CEP192: variants seen among roughly 807,000 people sequenced by gnomAD.
CEP192 encodes centrosomal protein 192.
Under a neutral mutation model 271.8 loss-of-function variants are expected in CEP192, and 151 were observed. That is an observed-to-expected ratio of 0.56 (90% CI 0.49 to 0.64). The LOEUF (loss-of-function observed/expected upper bound fraction) is 0.64, where lower values mean the gene tolerates loss of function less well. Ranked by LOEUF, CEP192 falls within the 30% of genes least tolerant of loss-of-function variation. CEP192 has a pLI of 0.00. For synonymous variants in CEP192, 995 were observed against 1,076.5 expected, an observed-to-expected ratio of 0.92 and a Z score of 1.48; for missense variants, 2,910 against 3,020.5, an observed-to-expected ratio of 0.96 and a Z score of 0.86.
chr18:13,123,285 T>TA (rs1470052607), intron 44 of CEP192, among the ~76,000 whole-genome samples: 2 of 152,118 alleles, frequency 1.3e-5, no homozygotes, highest in Non-Finnish European at 2.9e-5. Flanking sequence ...TTTGACATGG[T>TA]AAAACAAATG....
chr18:13,083,295 A>G (rs1253531612), intron 30 of CEP192, among the ~76,000 whole-genome samples: 1 of 152,080 alleles, frequency 6.6e-6, no homozygotes, highest in Non-Finnish European at 1.5e-5. Flanking sequence ...ATAGTCCCAT[A>G]TTTCTTGGAG....
intron 30 of CEP192, among the ~76,000 whole-genome samples, chr18:13,085,191 C>T (rs537769289): frequency 6.6e-6 from 1 of 152,106 alleles, no homozygotes; most frequent in African/African-American, 2.4e-5. Flanking sequence ...GCATAAATGT[C>T]TTCTTTTGAG....
At chr18:13,109,664 G>A (rs1398327466) in intron 40 of CEP192, among the ~76,000 whole-genome samples, 1 of 151,948 alleles carries the variant, frequency 6.6e-6, no homozygotes, top group East Asian at 1.9e-4. Context: ...TTGAAGAATG[G>A]TGAAAATAAT....
chr18:13,022,543 G>A (rs1029149481), intron 9 of CEP192, among the ~76,000 whole-genome samples: 1 of 152,054 alleles, frequency 6.6e-6, no homozygotes, highest in African/African-American at 2.4e-5. Flanking sequence ...ACCATGCCCA[G>A]CTAATTTTTG....
At position 13,038,328 on chromosome 18, in the gene CEP192, A is replaced by T. The variant is rs1469858814; in HGVS notation, c.1600-42A>T. 2.1e-6 allele frequency: 3 copies of T among 1,459,974 alleles called. No individual in the cohort carries two copies. The African/African-American group carries it at 4.2e-5, about 21-fold the overall frequency. 90.4% of individuals were successfully genotyped at this position (1,459,974 alleles called of 1,614,324 possible). On this transcript the variant is annotated intron_variant, in intron 12 of 44. Coordinates refer to ENST00000506447, the MANE Select transcript of CEP192 (RefSeq NM_032142.4). ...TGTATATTAGAACAACAGAAAAGTG[A>T]CTTGCTGGGGGAAAGAAACGAAACA...
At chr18:13,068,523 A>C (rs960517358) in intron 24 of CEP192, 101 bp downstream of exon 24, 1 of 1,021,494 alleles carries the variant, frequency 9.8e-7, no homozygotes, top group Non-Finnish European at 1.5e-6. Flanking sequence ...GTACTTCGAA[A>C]TCTGTCAACT....
chr18:13,083,174 C>G (rs886528809), intron 30 of CEP192, among the ~76,000 whole-genome samples: 1 of 152,156 alleles, frequency 6.6e-6, no homozygotes, highest in Admixed American at 6.5e-5. Flanking sequence ...GCCTGCCTTG[C>G]TAGGTGGGGA....
intron 39 of CEP192, chr18:13,103,951 A>G: frequency 2.2e-6 from 1 of 447,646 alleles, no homozygotes; most frequent in South Asian, 1.6e-5. Context: ...CAGCCTCCCA[A>G]AGTGCTGGGA....
intron 21 of CEP192, among the ~76,000 whole-genome samples, chr18:13,063,304 A>G (rs946145415): frequency 6.6e-6 from 1 of 152,194 alleles, no homozygotes; most frequent in African/African-American, 2.4e-5. Flanking sequence ...TGTTCTCCAT[A>G]GTGGTTGTAC....
At chr18:13,065,902 A>C (rs2037672334) in intron 21 of CEP192, among the ~76,000 whole-genome samples, 1 of 152,220 alleles carries the variant, frequency 6.6e-6, no homozygotes, top group Non-Finnish European at 1.5e-5. Context: ...CATCAAGTGC[A>C]TTTAGGTGAC....
intron 9 of CEP192, among the ~76,000 whole-genome samples, chr18:13,027,658 C>T (rs1190444535): frequency 3.9e-5 from 6 of 152,038 alleles, no homozygotes; most frequent in Non-Finnish European, 7.4e-5. Flanking sequence ...TACTTGTTGT[C>T]GGGATGGAGT....
intron 34 of CEP192, among the ~76,000 whole-genome samples, chr18:13,093,313 A>C (rs2039239692): frequency 6.6e-6 from 1 of 152,244 alleles, no homozygotes; most frequent in South Asian, 2.1e-4. Context: ...TTATAGTTAA[A>C]TGACAAAACA....
rs2033648760 is a variant in CEP192, at chr18:13,001,598, C to T, written c.290+16C>T. ...AGGATGATGAGTAAGTTCATACCTT[C>T]ATTTGCTTGTACTGTGTTAAAAGTG... On this transcript the variant is annotated intron_variant, in intron 3 of 44. Transcript: ENST00000506447. 1.3e-6 allele frequency: 2 copies of T among 1,540,464 alleles called. No individual in the cohort carries two copies. The highest frequency in any genetic ancestry group is 1.2e-5 in the South Asian group (1 of 82,788).
intron 1 of CEP192, among the ~76,000 whole-genome samples, chr18:12,998,370 C>T (rs2033392367): frequency 6.6e-6 from 1 of 152,180 alleles, no homozygotes; most frequent in African/African-American, 2.4e-5. Flanking sequence ...TTTGCTACTG[C>T]CAGCATAGAC....
intron 34 of CEP192, among the ~76,000 whole-genome samples, chr18:13,094,043 C>G (rs2144774624): frequency 1.3e-5 from 2 of 152,202 alleles, no homozygotes; most frequent in Middle Eastern, 6.8e-3. Context: ...GTAAAATATC[C>G]CGCAATTTCA....
intron 1 of CEP192, among the ~76,000 whole-genome samples, chr18:12,996,662 A>C (rs2033264094): frequency 6.6e-6 from 1 of 152,182 alleles, no homozygotes; most frequent in Non-Finnish European, 1.5e-5. Flanking sequence ...GAACTGGCCA[A>C]GGAGAAGGGA....
At chr18:13,092,745 T>C (rs1293494400) in intron 34 of CEP192, among the ~76,000 whole-genome samples, 1 of 152,190 alleles carries the variant, frequency 6.6e-6, no homozygotes, top group African/African-American at 2.4e-5. Flanking sequence ...AGACTCACCG[T>C]TGTTAACAGT....
chr18:13,100,216 C>G (rs2039640298), intron 37 of CEP192, 89 bp from the exon 38 acceptor site: 1 of 867,838 alleles, frequency 1.2e-6, no homozygotes, highest in Non-Finnish European at 1.8e-6. Flanking sequence ...TTTGGCATTT[C>G]TTTTCTCTAC....
intron 34 of CEP192, 103 bp downstream of exon 34, chr18:13,092,630 T>C: frequency 2.3e-6 from 2 of 855,094 alleles, no homozygotes; most frequent in Admixed American, 6.2e-5. Context: ...TTATTTTGTC[T>C]CAAAATTTTT....
Sources: allele counts gnomAD v4.1 joint callset (sites outside exome capture counted in the v4.1 genomes callset), GRCh38; gene constraint gnomAD v4.1.1; transcripts MANE v1.5; gene names NCBI Gene and HGNC (gene_info 2026-07-23, HGNC 2026-07-21).